Variants in XKR4 observed in about 807,000 individuals in gnomAD.
XKR4 encodes XK-related protein 4.
A neutral mutation model predicts 53.9 loss-of-function variants in XKR4; 12 were observed. That is an observed-to-expected ratio of 0.22 (90% CI 0.14 to 0.36). XKR4 has a LOEUF of 0.36. Among genes scored for constraint, XKR4 ranks in the 10% least tolerant of loss-of-function variants. XKR4 has a pLI of 1.00. For synonymous variants in XKR4, 354 were observed against 362.4 expected, an observed-to-expected ratio of 0.98 and a Z score of 0.26; for missense variants, 799 against 859.5, an observed-to-expected ratio of 0.93 and a Z score of 0.88.
At chr8:55,210,241 C>T (rs534634597) in intron 1 of XKR4, among the ~76,000 whole-genome samples, 68 of 152,148 alleles carry the variant, frequency 4.5e-4, no homozygotes, top group Non-Finnish European at 8.5e-4. Context: ...CTCGCCACCA[C>T]GCCTGGCTAA....
chr8:55,357,736 T>C lies in XKR4; in HGVS notation c.865T>C (p.Trp289Arg), dbSNP rs752304326. 5.6e-6 allele frequency: 9 copies of C among 1,614,184 alleles called. No homozygotes were observed. The highest frequency in any genetic ancestry group is 7.6e-6 in the Non-Finnish European group (9 of 1,180,030). The change falls in exon 2 of 3, where the codon TGG (tryptophan) becomes CGG (arginine). Residue 289 changes from tryptophan (W) to arginine (R), a missense_variant. By Grantham distance (101) the Trp-to-Arg change is moderately radical. Transcript: ENST00000327381. ...RSRQSGENDR[W>R]RFYWKMVYEY... ...CCGACAGAGTGGGGAGAATGACAGA[T>C]GGAGGTTTTACTGGAAAATGGTATA...
chr8:55,335,445 T>G (rs1563326795), intron 1 of XKR4, among the ~76,000 whole-genome samples: 1 of 152,152 alleles, frequency 6.6e-6, no homozygotes, highest in African/African-American at 2.4e-5. Flanking sequence ...AGGAAAATAT[T>G]TTTAACAAAA....
chr8:55,234,765 A>T (rs975444328), intron 1 of XKR4, among the ~76,000 whole-genome samples: 12 of 152,230 alleles, frequency 7.9e-5, no homozygotes, highest in Non-Finnish European at 1.5e-4. Flanking sequence ...AGAATACAAT[A>T]ATCAAACGCA....
rs1025011750 is a variant in XKR4 at position 55,484,767 on chromosome 8, G to T, written c.1007-38514G>T. Among the ~76,000 whole-genome samples the T allele has an allele frequency of 2.6e-5, 4 of 152,226 alleles. No homozygotes were observed. The East Asian group carries it at 7.7e-4, about 29-fold the overall frequency. On this transcript the variant is annotated intron_variant, in intron 2 of 2. Coordinates refer to ENST00000327381, the MANE Select transcript of XKR4 (RefSeq NM_052898.2). Reference sequence around the variant, plus strand: ...CTTCAACCCACTGAAGGCCTGAATAGAAAAGAAAGATTAAGTAAGAAAGAA... The same window carrying T: ...CTTCAACCCACTGAAGGCCTGAATATAAAAGAAAGATTAAGTAAGAAAGAA...
chr8:55,342,014 A>C (rs988586400), intron 1 of XKR4, among the ~76,000 whole-genome samples: 2 of 152,184 alleles, frequency 1.3e-5, no homozygotes, highest in East Asian at 3.9e-4. Flanking sequence ...CAATGCATGC[A>C]TCCAACTGTC....
chr8:55,502,787 T>C lies in XKR4; in HGVS notation c.1007-20494T>C, dbSNP rs183726173. Reference sequence around the variant, plus strand: ...TTTGGTGTCATACCCAAGAAATCACTGCCAAATCAAATATCATAAAGCTTT... The same window carrying C: ...TTTGGTGTCATACCCAAGAAATCACCGCCAAATCAAATATCATAAAGCTTT... On this transcript the variant is annotated intron_variant, in intron 2 of 2. Coordinates refer to ENST00000327381, the MANE Select transcript of XKR4 (RefSeq NM_052898.2). Among the ~76,000 whole-genome samples the C allele has an allele frequency of 7.2e-4, 110 of 152,320 alleles. 1 individual carries two copies. The highest frequency in any genetic ancestry group is 2.5e-3 in the African/African-American group (106 of 41,586).
intron 1 of XKR4, among the ~76,000 whole-genome samples, chr8:55,256,806 G>T (rs538019429): frequency 6.6e-5 from 10 of 152,268 alleles, no homozygotes; most frequent in African/African-American, 2.4e-4. Context: ...CATAAACCAC[G>T]CCTGGGTTGA....
chr8:55,498,271 G>C (rs563103869), intron 2 of XKR4, among the ~76,000 whole-genome samples: 1 of 152,180 alleles, frequency 6.6e-6, no homozygotes, highest in African/African-American at 2.4e-5. Context: ...CCCACTGCTA[G>C]GGAAGACGGA....
intron 1 of XKR4, among the ~76,000 whole-genome samples, chr8:55,251,330 G>A (rs984269132): frequency 1.3e-5 from 2 of 152,218 alleles, no homozygotes; most frequent in African/African-American, 4.8e-5. Context: ...TTCATTTAAG[G>A]TCAAGATTAA....
At chr8:55,435,550 C>T (rs371327920) in intron 2 of XKR4, among the ~76,000 whole-genome samples, 1 of 150,438 alleles carries the variant, frequency 6.6e-6, no homozygotes, top group Non-Finnish European at 1.5e-5. Flanking sequence ...AATAGGCAAC[C>T]TCTTTTTTTT....
chr8:55,296,139 A>G (rs547732945), intron 1 of XKR4, among the ~76,000 whole-genome samples: 9 of 152,250 alleles, frequency 5.9e-5, no homozygotes, highest in African/African-American at 1.7e-4. Context: ...CACCTCCACC[A>G]TGTGATGTTG....
chr8:55,425,907 T>G (rs1371506193), intron 2 of XKR4, among the ~76,000 whole-genome samples: 2 of 152,218 alleles, frequency 1.3e-5, no homozygotes, highest in African/African-American at 4.8e-5. Flanking sequence ...CCCAGCTACT[T>G]AAATGCCATC....
intron 1 of XKR4, among the ~76,000 whole-genome samples, chr8:55,282,053 G>A (rs1563314621): frequency 1.3e-5 from 2 of 152,156 alleles, no homozygotes; most frequent in Admixed American, 1.3e-4. Flanking sequence ...TGGGTGTTCC[G>A]ATGAGATGGG....
At chr8:55,290,876 G>A (rs1819009166) in intron 1 of XKR4, among the ~76,000 whole-genome samples, 1 of 152,106 alleles carries the variant, frequency 6.6e-6, no homozygotes, top group African/African-American at 2.4e-5. Flanking sequence ...CAGAGCAAAA[G>A]TTTTTAATTT....
chr8:55,285,666 T>A (rs1818898894), intron 1 of XKR4, among the ~76,000 whole-genome samples: 2 of 152,218 alleles, frequency 1.3e-5, no homozygotes. Flanking sequence ...ACTTCCATAC[T>A]GTACACATTG....
chr8:55,254,944 G>A (rs544884716), intron 1 of XKR4, among the ~76,000 whole-genome samples: 8 of 152,268 alleles, frequency 5.3e-5, no homozygotes, highest in Admixed American at 2.6e-4. Flanking sequence ...CCCTGTTAGC[G>A]GATGTCATGC....
intron 1 of XKR4, among the ~76,000 whole-genome samples, chr8:55,306,830 T>C (rs1011725826): frequency 6.6e-6 from 1 of 152,020 alleles, no homozygotes. Context: ...GACAGAAAGA[T>C]AGCCTTGGAG....
chr8:55,290,508 C>A (rs1468051538), intron 1 of XKR4, among the ~76,000 whole-genome samples: 1 of 152,056 alleles, frequency 6.6e-6, no homozygotes, highest in Non-Finnish European at 1.5e-5. Flanking sequence ...TGGTTTGTTG[C>A]ACCTATCGAC....
chr8:55,241,967 T>G (rs1285187847), intron 1 of XKR4, among the ~76,000 whole-genome samples: 1 of 152,180 alleles, frequency 6.6e-6, no homozygotes, highest in East Asian at 1.9e-4. Context: ...TATAGCTGTG[T>G]TTATAAATCT....
Sources: gnomAD v4.1 joint callset for allele counts (sites outside exome capture counted in the v4.1 genomes callset) on GRCh38, gnomAD v4.1.1 for gene constraint, MANE v1.5 for transcripts, NCBI Gene and HGNC (gene_info 2026-07-23, HGNC 2026-07-21) for gene names.